Variants in SSH3 observed in about 807,000 individuals in gnomAD.
The protein encoded by SSH3 is slingshot protein phosphatase 3, also known as protein phosphatase Slingshot homolog 3.
SSH3 carries 67 observed loss-of-function variants against 75.0 expected under a neutral mutation model. The observed-to-expected ratio is 0.89, with a 90% CI of 0.73 to 1.10. SSH3 has a LOEUF of 1.10. Among genes scored for constraint, SSH3 ranks in the 50% least tolerant of loss-of-function variants. The probability of loss-of-function intolerance (pLI) is 0.00; values close to 1 mark genes in which losing one functional copy is unlikely to be tolerated. For synonymous variants in SSH3, 318 were observed against 349.2 expected (o/e 0.91, Z 1.00); for missense variants, 824 against 872.7 (o/e 0.94, Z 0.70).
Position 67,307,061 on chromosome 11 carries a change from G to A in SSH3, c.484G>A (p.Gly162Ser). The A allele has an allele frequency of 6.2e-7, 1 of 1,614,090 alleles. No individual in the cohort carries two copies. Among genetic ancestry groups the A allele is most frequent in the East Asian group, 2.2e-5 (1 of 44,886 alleles). The change falls in exon 5 of 14, where the codon GGC (glycine) becomes AGC (serine). Residue 162 changes from glycine (G) to serine (S), a missense_variant. By Grantham distance (56) the Gly-to-Ser change is moderately conservative. Transcript: ENST00000308127. The surrounding 1 kb of genome is among the most constrained non-coding windows in gnomAD (Gnocchi z 4.2). The stretch of plus-strand genomic sequence containing the variant: ...TGCCAGCTCCCCCAGCTGCACCCTG[G>A]GCCTGGTCTTGCCCCTCTGGAGTGA... ...PDSSSPSCTL[G>S]LVLPLWSDTQ...
chr11:67,311,544 G>A lies in SSH3; in HGVS notation c.1684-47G>A, dbSNP rs199859610. 7.2e-5 allele frequency: 115 copies of A among 1,607,854 alleles called. No individual in the cohort carries two copies. The African/African-American group carries it at 1.5e-3, about 21-fold the overall frequency. Reference sequence around the variant, plus strand: ...CCCGGCTCTGTGCTTGGGCACCCCTGCCCCAGAAAGGCCTCCCATGGCTTC... The same window carrying A: ...CCCGGCTCTGTGCTTGGGCACCCCTACCCCAGAAAGGCCTCCCATGGCTTC... On this transcript the variant is annotated intron_variant, in intron 13 of 13. Coordinates refer to ENST00000308127, the MANE Select transcript of SSH3 (RefSeq NM_017857.4).
intron 13 of SSH3, 44 bp downstream of exon 13, chr11:67,310,383 C>A (rs750402315): frequency 6.4e-7 from 1 of 1,560,778 alleles, no homozygotes; most frequent in East Asian, 2.3e-5. Flanking sequence ...GGGTGGGGGC[C>A]ATAAGGAGGG....
chr11:67,304,259 C>T, intron 2 of SSH3, 104 bp downstream of exon 2: 2 of 919,206 alleles, frequency 2.2e-6, no homozygotes, highest in South Asian at 1.6e-5. Flanking sequence ...GGAGGACGCG[C>T]AGCGAAGCCC....
rs1443559896 is a variant in SSH3, at chr11:67,311,895, C to A, written c.*8C>A. The A allele has an allele frequency of 2.5e-6, 4 of 1,607,068 alleles. No individual in the cohort carries two copies. Among genetic ancestry groups the A allele is most frequent in the Non-Finnish European group, 3.4e-6 (4 of 1,178,600 alleles). Reference sequence around the variant, plus strand: ...GAGGAGGGCGAGGCCTGAGCCCTCACACATGCCCACGCTCCCCTGACACTG... The same window carrying A: ...GAGGAGGGCGAGGCCTGAGCCCTCAAACATGCCCACGCTCCCCTGACACTG... On this transcript the variant is annotated 3_prime_UTR_variant, in exon 14 of 14. Transcript: ENST00000308127.
Position 67,312,050 on chromosome 11 carries a change from CCT to C in SSH3, c.*164_*165del, listed in dbSNP as rs202140296. On this transcript the variant is annotated 3_prime_UTR_variant, in exon 14 of 14. Transcript: ENST00000308127. The stretch of plus-strand genomic sequence containing the variant: ...TGTCACTACGGCCTCACCTCCCACC[CCT>C]GTCACTACAGCCTCACCTCCTACAG... The C allele has an allele frequency of 2.7e-3, 2,417 of 898,982 alleles. 4 individuals carry two copies. Among genetic ancestry groups the C allele is most frequent in the Non-Finnish European group, 3.5e-3 (2,206 of 622,044 alleles). The allele number at this position is 898,982 out of a possible 1,614,324, so 55.7% of individuals were successfully genotyped here.
Position 67,311,792 on chromosome 11 carries a change from G to C in SSH3, c.1885G>C (p.Gly629Arg), listed in dbSNP as rs767244033. ...GGAGCAGGAGCAGGGGCAGGGGCAG[G>C]GGCAGGGAGAGCCCTGCATTTCCTC... ...FQEQEQGQGQ[G>R]QGEPCISSTP... Residue 629 changes from glycine (G) to arginine (R), a missense_variant, in exon 14 of 14, where the codon GGG (glycine) becomes CGG (arginine). Physicochemically the swap from Gly to Arg is moderately radical, Grantham distance 125 (BLOSUM62 -2). Coordinates refer to ENST00000308127, the MANE Select transcript of SSH3 (RefSeq NM_017857.4). The C allele has an allele frequency of 6.2e-7, 1 of 1,613,730 alleles. No individual in the cohort carries two copies. Among genetic ancestry groups the C allele is most frequent in the Non-Finnish European group, 8.5e-7 (1 of 1,179,936 alleles).
chr11:67,305,263 T>G (rs1273537868), intron 3 of SSH3, among the ~76,000 whole-genome samples: 2 of 151,682 alleles, frequency 1.3e-5, no homozygotes, highest in Non-Finnish European at 2.9e-5. Flanking sequence ...CTCGGCTCAC[T>G]GCAAGTTCCA....
At chr11:67,309,255 C>A in intron 10 of SSH3, 142 bp from the exon 11 acceptor site, 2 of 1,028,534 alleles carry the variant, frequency 1.9e-6, no homozygotes, top group Non-Finnish European at 2.8e-6. Context: ...ACAGCTGGGT[C>A]ACTTCTCCTC....
intron 10 of SSH3, 187 bp from the exon 11 acceptor site, chr11:67,309,210 G>A: frequency 1.5e-6 from 1 of 669,624 alleles, no homozygotes; most frequent in Non-Finnish European, 2.5e-6. Context: ...AAGCCCAGCA[G>A]GGCAAGATGA....
Position 67,304,157 on chromosome 11 carries a change from T to C in SSH3, c.104+2T>C, listed in dbSNP as rs903830635. ...GCGAAGGAGTCGACTCCAGCGAAGG[T>C]GAGCGCCACCTCCCCCACGCAGACA... On this transcript the variant is annotated splice_donor_variant, in intron 2 of 13. Coordinates refer to ENST00000308127, the MANE Select transcript of SSH3 (RefSeq NM_017857.4). LOFTEE classifies it high-confidence loss of function. 2 of 1,596,520 alleles carry C rather than the reference T, an allele frequency of 1.3e-6. No homozygotes were observed. The highest frequency in any genetic ancestry group is 1.3e-5 in the African/African-American group (1 of 74,514).
At chr11:67,311,469 G>A (rs868479173) in intron 13 of SSH3, 122 bp from the exon 14 acceptor site, 16 of 1,289,118 alleles carry the variant, frequency 1.2e-5, no homozygotes, top group African/African-American at 1.0e-4. Context: ...CAAACATTCC[G>A]GCCCTCGCCT....
In SSH3 at chr11:67,303,608, T is replaced by G. The variant is rs1313791179; in HGVS notation, c.-18T>G. ...GGGCCGTGCCCGGTGCCAGCCCAGGTGCTCGCGGCCTGGCTCCATGGCCCT... is the reference window on the plus strand; with the variant it reads ...GGGCCGTGCCCGGTGCCAGCCCAGGGGCTCGCGGCCTGGCTCCATGGCCCT... On this transcript the variant is annotated 5_prime_UTR_variant, in exon 1 of 14. Coordinates refer to ENST00000308127, the MANE Select transcript of SSH3 (RefSeq NM_017857.4). 14 of 1,518,338 alleles carry G rather than the reference T, an allele frequency of 9.2e-6. No individual in the cohort carries two copies. Among genetic ancestry groups the G allele is most frequent in the Non-Finnish European group, 1.1e-5 (13 of 1,139,556 alleles). 94.1% of individuals were successfully genotyped at this position (1,518,338 alleles called of 1,614,324 possible). A position where few individuals can be genotyped will look rare whatever the true frequency, so the allele number is the denominator to read the frequency against.
In SSH3 at chr11:67,307,955, G is replaced by A. The variant is rs373700372; in HGVS notation, c.885+16G>A. 32 of 1,613,586 alleles carry A rather than the reference G, an allele frequency of 2.0e-5. No individual in the cohort carries two copies. The highest frequency in any genetic ancestry group is 1.3e-4 in the East Asian group (6 of 44,894). Reference sequence around the variant, plus strand: ...TTCCAAAGAGGTGGGCAGGGGGCCCGGGGACTGAGTCCCCTCTAGCAGGGG... The same window carrying A: ...TTCCAAAGAGGTGGGCAGGGGGCCCAGGGACTGAGTCCCCTCTAGCAGGGG... On this transcript the variant is annotated intron_variant, in intron 8 of 13. Transcript: ENST00000308127. The surrounding 1 kb of genome is among the most constrained non-coding windows in gnomAD (Gnocchi z 4.2).
chr11:67,303,979 C>G (rs966682961), intron 1 of SSH3, 139 bp from the exon 2 acceptor site: 36 of 1,176,542 alleles, frequency 3.1e-5, no homozygotes, highest in Non-Finnish European at 4.2e-5. Context: ...CGGGGCCTCC[C>G]GGTGGGGCGT....
Position 67,307,287 on chromosome 11 carries a change from C to G in SSH3, c.537-84C>G. Reference sequence around the variant, plus strand: ...TGAGCAAGGCACCTGACTCCTGGGTCTCGGCTTCCCGTATCCAGCAAAAGG... The same window carrying G: ...TGAGCAAGGCACCTGACTCCTGGGTGTCGGCTTCCCGTATCCAGCAAAAGG... On this transcript the variant is annotated intron_variant, in intron 5 of 13. Transcript: ENST00000308127. This position sits in a 1 kb window ranked among gnomAD's most constrained non-coding sequence, Gnocchi z 4.2. 1 of 1,583,934 alleles carries G rather than the reference C, an allele frequency of 6.3e-7. No homozygotes were observed. Among genetic ancestry groups the G allele is most frequent in the Non-Finnish European group, 8.6e-7 (1 of 1,166,510 alleles).
In SSH3 at chr11:67,303,589, T is replaced by C. The variant is rs1334312972; in HGVS notation, c.-37T>C. On this transcript the variant is annotated 5_prime_UTR_variant, in exon 1 of 14. Coordinates refer to ENST00000308127, the MANE Select transcript of SSH3 (RefSeq NM_017857.4). Reference sequence around the variant, plus strand: ...TCCGCGGGGTTGAGGGAAGGGGCCGTGCCCGGTGCCAGCCCAGGTGCTCGC... The same window carrying C: ...TCCGCGGGGTTGAGGGAAGGGGCCGCGCCCGGTGCCAGCCCAGGTGCTCGC... The C allele has an allele frequency of 4.0e-6, 6 of 1,515,004 alleles. No homozygotes were observed. Among genetic ancestry groups the C allele is most frequent in the Non-Finnish European group, 5.3e-6 (6 of 1,137,168 alleles). 93.8% of individuals were successfully genotyped at this position (1,515,004 alleles called of 1,614,324 possible). A position where few individuals can be genotyped will look rare whatever the true frequency, so the allele number is the denominator to read the frequency against.
At position 67,311,855 on chromosome 11, in the gene SSH3, G is replaced by GT. The variant is rs755813671; in HGVS notation, c.1949dup (p.His651AlafsTer2). ...CCGGAAGGTGGTGAGACAGGCCAGC[G>GT]TGCATGACAGTGGAGAGGAGGGCGA... is the stretch of plus-strand genomic sequence containing the variant. On this transcript the variant is annotated frameshift_variant, in exon 14 of 14. Transcript: ENST00000308127. LOFTEE classifies it high-confidence loss of function. 1.9e-6 allele frequency: 3 copies of GT among 1,612,390 alleles called. No homozygotes were observed. The highest frequency in any genetic ancestry group is 2.5e-6 in the Non-Finnish European group (3 of 1,179,954).
Position 67,308,302 on chromosome 11 carries a change from G to A in SSH3, c.1014G>A (p.Leu338=). 4 of 1,614,150 alleles carry A rather than the reference G, an allele frequency of 2.5e-6. No homozygotes were observed. Among genetic ancestry groups the A allele is most frequent in the Non-Finnish European group, 2.5e-6 (3 of 1,180,024 alleles). The part of the protein sequence containing the change: ...RASRIFPHLY[L]GSEWNAANLE... ...CCCGCATCTTCCCCCACCTCTACCTGGTGAGCTTCAGCCAGGCCTGGGCCA... is the reference window on the plus strand; with the variant it reads ...CCCGCATCTTCCCCCACCTCTACCTAGTGAGCTTCAGCCAGGCCTGGGCCA... Residue 338 remains leucine (L), a splice_region_variant and synonymous_variant, in exon 9 of 14, where the codon CTG becomes CTA. Transcript: ENST00000308127. The surrounding 1 kb of genome is among the most constrained non-coding windows in gnomAD (Gnocchi z 4.9).
At chr11:67,305,104 G>A in intron 3 of SSH3, 97 bp downstream of exon 3, 1 of 1,234,904 alleles carries the variant, frequency 8.1e-7, no homozygotes, top group Non-Finnish European at 1.1e-6. Context: ...GAGCAATGGT[G>A]TGAGGGCAGG....
Sources: gnomAD v4.1 joint callset for allele counts (sites outside exome capture counted in the v4.1 genomes callset) on GRCh38, gnomAD v4.1.1 for gene constraint, Gnocchi (gnomAD v3.1) non-coding constraint, MANE v1.5 for transcripts, NCBI Gene and HGNC (gene_info 2026-07-23, HGNC 2026-07-21) for gene names.